G3BP1: variants seen among roughly 807,000 people sequenced by gnomAD.
The protein encoded by G3BP1 is G3BP stress granule assembly factor 1.
In G3BP1, 35 loss-of-function variants were observed where a neutral mutation model predicts 58.6. The observed-to-expected ratio is 0.60, with a 90% CI of 0.46 to 0.79. The LOEUF (loss-of-function observed/expected upper bound fraction) is 0.79, where lower values mean the gene tolerates loss of function less well. Among genes scored for constraint, G3BP1 ranks in the 30% least tolerant of loss-of-function variants. The probability of loss-of-function intolerance (pLI) is 0.00; values close to 1 mark genes in which losing one functional copy is unlikely to be tolerated. For synonymous variants in G3BP1, 191 were observed against 195.4 expected (o/e 0.98, Z 0.19); for missense variants, 523 against 580.8 (o/e 0.90, Z 1.02).
Position 151,809,934 on chromosome 5 carries a change from T to C in G3BP1, c.*5843T>C, listed in dbSNP as rs1385165685. 6.6e-6 allele frequency: 1 copy of C among 152,212 alleles called. No individual in the cohort carries two copies. Among genetic ancestry groups the C allele is most frequent in the East Asian group, 1.9e-4 (1 of 5,194 alleles). The allele number at this position is 152,212 out of a possible 1,614,324, so 9.4% of individuals were successfully genotyped here. A position where few individuals can be genotyped will look rare whatever the true frequency, so the allele number is the denominator to read the frequency against. ...CTCCCCTCAGGGATGGGTTTACTAC[T>C]AGCTGTCAGAAAGCTATTGGGTATC... On this transcript the variant is annotated 3_prime_UTR_variant, in exon 12 of 12. Transcript: ENST00000356245.
intron 1 of G3BP1, among the ~76,000 whole-genome samples, chr5:151,780,804 G>A (rs982007544): frequency 6.6e-6 from 1 of 152,102 alleles, no homozygotes; most frequent in African/African-American, 2.4e-5. Flanking sequence ...GAGCCACCGC[G>A]CCTGGCTGAT....
At position 151,795,529 on chromosome 5, in the gene G3BP1, G is replaced by A. The variant is rs1330085620; in HGVS notation, c.493G>A (p.Val165Met). The A allele has an allele frequency of 1.9e-6, 3 of 1,608,700 alleles. No individual in the cohort carries two copies. Among genetic ancestry groups the A allele is most frequent in the African/African-American group, 1.3e-5 (1 of 74,920 alleles). Residue 165 changes from valine (V) to methionine (M), a missense_variant, in exon 6 of 12, where the codon GTG becomes ATG. By Grantham distance (21) the Val-to-Met change is conservative (BLOSUM62 1). This residue lies in a region of G3BP1 where 398 missense variants were observed against 399.1 expected (regional missense o/e 1.00). Transcript: ENST00000356245. ...TGAAGAAAGACAGCAAACACCTGAG[G>A]TGGTACCTGATGATTCTGGAACTTT... The part of the protein sequence containing the change: ...EPEERQQTPE[V>M]VPDDSGTFYD...
At position 151,786,869 on chromosome 5, in the gene G3BP1, G is replaced by A. The variant is rs1581575278; in HGVS notation, c.95+154G>A. On this transcript the variant is annotated intron_variant, in intron 2 of 11. Transcript: ENST00000356245. ...CCCCCAATTTTTTATTTGAGACAGA[G>A]TCTCGCCCTGTTGTCCAGACTGGAG... The A allele has an allele frequency of 5.2e-6, 3 of 574,670 alleles. No individual in the cohort carries two copies. In the East Asian group the frequency reaches 9.2e-5, roughly 18 times the overall value. 35.6% of individuals were successfully genotyped at this position (574,670 alleles called of 1,614,324 possible). A position where few individuals can be genotyped will look rare whatever the true frequency, so the allele number is the denominator to read the frequency against.
chr5:151,800,865 A>G lies in G3BP1; in HGVS notation c.1190A>G (p.Asn397Ser). The G allele has an allele frequency of 3.3e-6, 5 of 1,531,744 alleles. No homozygotes were observed. Among genetic ancestry groups the G allele is most frequent in the Non-Finnish European group, 3.6e-6 (4 of 1,106,938 alleles). The allele number at this position is 1,531,744 out of a possible 1,614,324, so 94.9% of individuals were successfully genotyped here. A position where few individuals can be genotyped will look rare whatever the true frequency, so the allele number is the denominator to read the frequency against. The change falls in exon 11 of 12, where the codon AAC becomes AGC. Residue 397 changes from asparagine (N) to serine (S), a missense_variant. By Grantham distance (46) the Asn-to-Ser change is conservative (BLOSUM62 1). Around this residue, in one of 2 missense-constraint regions of G3BP1, gnomAD observed 125 missense variants for 181.7 expected, o/e 0.69. Coordinates refer to ENST00000356245, the MANE Select transcript of G3BP1 (RefSeq NM_005754.3). ...DSEPVQKVLS[N>S]RPIMFRGEVR... is the part of the protein sequence containing the mutation. ...GAGCCTGTTCAGAAAGTCCTTAGCAACAGGGTAAGCAGCTTTTTGTCTTGA... is the reference window on the plus strand; with the variant it reads ...GAGCCTGTTCAGAAAGTCCTTAGCAGCAGGGTAAGCAGCTTTTTGTCTTGA...
chr5:151,791,890 C>T (rs1448378519), intron 4 of G3BP1: 2 of 342,672 alleles, frequency 5.8e-6, no homozygotes, highest in Admixed American at 4.0e-5. Context: ...CTCCTGACCT[C>T]AAGTGATCTG....
At chr5:151,781,363 T>C (rs962431108) in intron 1 of G3BP1, among the ~76,000 whole-genome samples, 1 of 152,240 alleles carries the variant, frequency 6.6e-6, no homozygotes, top group African/African-American at 2.4e-5. Flanking sequence ...CCACCTCCTG[T>C]AAATATTGCA....
intron 11 of G3BP1, among the ~76,000 whole-genome samples, chr5:151,803,389 C>T (rs931706074): frequency 3.9e-5 from 6 of 151,988 alleles, no homozygotes; most frequent in African/African-American, 4.8e-5. Flanking sequence ...TTCCGCCACC[C>T]GGGTTCAAGT....
intron 7 of G3BP1, among the ~76,000 whole-genome samples, chr5:151,797,827 T>C (rs941990072): frequency 6.6e-6 from 1 of 152,258 alleles, no homozygotes; most frequent in Admixed American, 6.5e-5. Context: ...CTATGAAATT[T>C]TATTGAAGAT....
intron 1 of G3BP1, among the ~76,000 whole-genome samples, chr5:151,784,484 A>G (rs1762525270): frequency 6.6e-6 from 1 of 152,224 alleles, no homozygotes; most frequent in Non-Finnish European, 1.5e-5. Flanking sequence ...TTGAATAAAA[A>G]AATTGTGTCT....
chr5:151,784,012 C>A (rs1034150639), intron 1 of G3BP1, among the ~76,000 whole-genome samples: 2 of 152,118 alleles, frequency 1.3e-5, no homozygotes, highest in Non-Finnish European at 2.9e-5. Context: ...CCGCTCGCCT[C>A]GGCCTCCGAA....
At chr5:151,796,660 TGAAA>T (rs1229822298) in intron 6 of G3BP1, among the ~76,000 whole-genome samples, 9 of 152,208 alleles carry the variant, frequency 5.9e-5, no homozygotes, top group Non-Finnish European at 1.3e-4. Flanking sequence ...CTTATGTGCT[TGAAA>T]GAGTTTTTGT....
intron 3 of G3BP1, 47 bp from the exon 4 acceptor site, chr5:151,790,842 T>C: frequency 8.9e-7 from 1 of 1,119,774 alleles, no homozygotes; most frequent in South Asian, 1.5e-5. Flanking sequence ...TATTTAAATT[T>C]TAAGGCATTC....
rs1415423453 is a variant in G3BP1, at chr5:151,808,664, T to C, written c.*4573T>C. The C allele has an allele frequency of 6.6e-6, 1 of 152,218 alleles. No individual in the cohort carries two copies. The highest frequency in any genetic ancestry group is 1.5e-5 in the Non-Finnish European group (1 of 68,034). The allele number at this position is 152,218 out of a possible 1,614,324, so 9.4% of individuals were successfully genotyped here. A position where few individuals can be genotyped will look rare whatever the true frequency, so the allele number is the denominator to read the frequency against. ...GTGTAGTATTTTGAAATGTGGCCAG[T>C]GTCCCAGATTTGTAAGGTACAGTGT... is the stretch of plus-strand genomic sequence containing the variant. On this transcript the variant is annotated 3_prime_UTR_variant, in exon 12 of 12. Transcript: ENST00000356245.
At chr5:151,786,145 C>T (rs752284361) in intron 1 of G3BP1, among the ~76,000 whole-genome samples, 6 of 152,084 alleles carry the variant, frequency 3.9e-5, no homozygotes, top group Admixed American at 2.0e-4. Context: ...AAAAATTAGC[C>T]GGGCATGATG....
At chr5:151,779,529 AG>A (rs1762431333) in intron 1 of G3BP1, among the ~76,000 whole-genome samples, 1 of 152,192 alleles carries the variant, frequency 6.6e-6, no homozygotes, top group East Asian at 1.9e-4. Flanking sequence ...CTTTATGTCT[AG>A]CCTGTGTATC....
At chr5:151,799,397 A>G in intron 8 of G3BP1, 84 bp downstream of exon 8, 1 of 781,132 alleles carries the variant, frequency 1.3e-6, no homozygotes, top group Middle Eastern at 2.4e-4. Context: ...GAGAATGTGA[A>G]AACTGGTCAG....
chr5:151,811,239 C>CATGT lies in G3BP1; in HGVS notation c.*7153_*7156dup, dbSNP rs1763014702. ...GAAACATAGTTCTGACCATGTATTC[C>CATGT]ATGTATGTGTTCTCTCTCCCCTATT... On this transcript the variant is annotated 3_prime_UTR_variant, in exon 12 of 12. Coordinates refer to ENST00000356245, the MANE Select transcript of G3BP1 (RefSeq NM_005754.3). 1.3e-5 allele frequency: 2 copies of CATGT among 152,260 alleles called. No individual in the cohort carries two copies. Among genetic ancestry groups the CATGT allele is most frequent in the African/African-American group, 2.4e-5 (1 of 41,542 alleles). 9.4% of individuals were successfully genotyped at this position (152,260 alleles called of 1,614,324 possible). A position where few individuals can be genotyped will look rare whatever the true frequency, so the allele number is the denominator to read the frequency against.
At chr5:151,793,203 G>A (rs892948781) in intron 4 of G3BP1, among the ~76,000 whole-genome samples, 1 of 152,130 alleles carries the variant, frequency 6.6e-6, no homozygotes, top group Non-Finnish European at 1.5e-5. Context: ...CCACCTCCCG[G>A]GTTCAAGCAA....
chr5:151,802,437 C>T (rs985054900), intron 11 of G3BP1, among the ~76,000 whole-genome samples: 9 of 152,128 alleles, frequency 5.9e-5, no homozygotes, highest in African/African-American at 1.4e-4. Context: ...GACTGATTGC[C>T]GTGGTGTATG....
Sources: gnomAD v4.1 joint callset for allele counts (sites outside exome capture counted in the v4.1 genomes callset) on GRCh38, gnomAD v4.1.1 for gene constraint, gnomAD v4.1.1 regional missense constraint, MANE v1.5 for transcripts, NCBI Gene and HGNC (gene_info 2026-07-23, HGNC 2026-07-21) for gene names.